STN1: variants seen among roughly 807,000 people sequenced by gnomAD.
STN1 encodes the protein STN1 subunit of CST complex.
STN1 carries 29 observed loss-of-function variants against 45.5 expected under a neutral mutation model. The observed-to-expected ratio is 0.64, with a 90% confidence interval of 0.47 to 0.87. The LOEUF (loss-of-function observed/expected upper bound fraction) is 0.87, where lower values mean the gene tolerates loss of function less well. STN1 is among the 40% of genes least tolerant of loss of function. STN1 has a pLI of 0.00. For synonymous variants in STN1, 148 were observed against 159.0 expected, an observed-to-expected ratio of 0.93 and a Z score of 0.52; for missense variants, 376 against 441.4, an observed-to-expected ratio of 0.85 and a Z score of 1.33.
At chr10:103,902,458 G>C (rs978944915) in intron 4 of STN1, among the ~76,000 whole-genome samples, 1 of 152,202 alleles carries the variant, frequency 6.6e-6, no homozygotes, top group Admixed American at 6.5e-5. Context: ...CTTAAAGGGT[G>C]AGCCAAGTTG....
chr10:103,898,215 G>T (rs1843184219), intron 6 of STN1: 1 of 153,152 alleles, frequency 6.5e-6, no homozygotes, highest in Admixed American at 6.5e-5. Flanking sequence ...AAACATTAAA[G>T]GATACACAGT....
At chr10:103,904,274 C>A (rs761898654) in intron 4 of STN1, among the ~76,000 whole-genome samples, 5 of 151,972 alleles carry the variant, frequency 3.3e-5, no homozygotes, top group Non-Finnish European at 5.9e-5. Flanking sequence ...AAAACCATCA[C>A]CAATATTGCA....
At chr10:103,917,798 C>T in intron 1 of STN1, 142 bp from the exon 2 acceptor site, 1 of 536,356 alleles carries the variant, frequency 1.9e-6, no homozygotes, top group Non-Finnish European at 3.3e-6. Context: ...CTCCATGCCA[C>T]GGGGCGTGTT....
chr10:103,891,079 T>C (rs11191848), intron 8 of STN1, among the ~76,000 whole-genome samples: 67,617 of 152,078 alleles, frequency 0.44, 15,738 homozygotes, highest in Non-Finnish European at 0.5. Flanking sequence ...CACACTGTGT[T>C]GACCAAAAGC....
At chr10:103,911,669 C>A (rs533639991) in intron 2 of STN1, among the ~76,000 whole-genome samples, 42 of 152,282 alleles carry the variant, frequency 2.8e-4, no homozygotes, top group African/African-American at 4.8e-5. Flanking sequence ...CACACCCAGT[C>A]AAGTCCTTTT....
chr10:103,892,064 C>T, intron 8 of STN1, 66 bp downstream of exon 8: 1 of 1,270,112 alleles, frequency 7.9e-7, no homozygotes, highest in Non-Finnish European at 1.1e-6. Context: ...AGTGGTTATT[C>T]ATAAGTAATA....
chr10:103,915,282 C>T (rs1366238171), intron 2 of STN1, among the ~76,000 whole-genome samples: 1 of 152,158 alleles, frequency 6.6e-6, no homozygotes, highest in Non-Finnish European at 1.5e-5. Context: ...ACTCAATCTC[C>T]AGCCCCACTC....
At position 103,912,095 on chromosome 10, in the gene STN1, G is replaced by C. The variant is rs776962082; in HGVS notation, c.134-1473C>G. On this transcript the variant is annotated intron_variant, in intron 2 of 9. Coordinates refer to ENST00000224950, the MANE Select transcript of STN1 (RefSeq NM_024928.5). ...CATGAGCTGAAGATGGCAGGAACAA[G>C]GAGGGAAGGAGCCTGGGTCACTGTG... 3.9e-5 allele frequency among the ~76,000 whole-genome samples: 6 copies of C among 152,104 alleles called. No individual in the cohort carries two copies. The South Asian group carries it at 1.0e-3, about 26-fold the overall frequency.
intron 3 of STN1, among the ~76,000 whole-genome samples, chr10:103,906,003 T>TA (rs1004998636): frequency 1.1e-4 from 16 of 151,374 alleles, no homozygotes; most frequent in Admixed American, 6.6e-4. Context: ...TCTCTAAATT[T>TA]AAAAAAAAAT....
At chr10:103,888,410 C>T (rs1454485510) in intron 9 of STN1, among the ~76,000 whole-genome samples, 1 of 124,596 alleles carries the variant, frequency 8.0e-6, no homozygotes. Flanking sequence ...TAAAGATAGA[C>T]TAATGCTTCC....
chr10:103,914,374 A>ATATTTTTTTT (rs1554837551), intron 2 of STN1, among the ~76,000 whole-genome samples: 2 of 97,362 alleles, frequency 2.1e-5, no homozygotes, highest in African/African-American at 9.8e-5. Flanking sequence ...ATATATATAT[A>ATATTTTTTTT]TTTTTTTTTT....
At chr10:103,907,886 T>C (rs1843252640) in intron 3 of STN1, among the ~76,000 whole-genome samples, 1 of 151,666 alleles carries the variant, frequency 6.6e-6, no homozygotes. Context: ...CTCAGCACTT[T>C]GGGAGGCCGA....
intron 2 of STN1, among the ~76,000 whole-genome samples, chr10:103,911,251 G>A (rs1843289193): frequency 6.6e-6 from 1 of 152,146 alleles, no homozygotes; most frequent in South Asian, 2.1e-4. Context: ...CCTACCCACT[G>A]ATACCCAGAG....
At chr10:103,899,808 A>G (rs1023327029) in intron 5 of STN1, among the ~76,000 whole-genome samples, 32 of 152,248 alleles carry the variant, frequency 2.1e-4, no homozygotes, top group Admixed American at 6.5e-5. Flanking sequence ...CTACTATGTC[A>G]TCCAAATAAA....
chr10:103,912,159 T>G (rs1331228623), intron 2 of STN1, among the ~76,000 whole-genome samples: 1 of 151,968 alleles, frequency 6.6e-6, no homozygotes, highest in Non-Finnish European at 1.5e-5. Context: ...CCAGGAAAAC[T>G]TGGATTGAAT....
chr10:103,905,715 C>T (rs950547164), intron 3 of STN1, among the ~76,000 whole-genome samples: 1 of 152,134 alleles, frequency 6.6e-6, no homozygotes, highest in South Asian at 2.1e-4. Context: ...TCCTCACCAC[C>T]GCAGGGGCTG....
Position 103,897,602 on chromosome 10 carries a change from C to A in STN1, c.699G>T (p.Glu233Asp), listed in dbSNP as rs745655678. Residue 233 changes from glutamate to aspartate, a missense_variant, in exon 7 of 10, where the codon GAG becomes GAT. By Grantham distance (45) the Glu-to-Asp change is conservative. Transcript: ENST00000224950. ...SFYQQELEMV[E>D]SLLSLANQPV... ...GCTGATTGGCAAGGGACAGCAAAGA[C>A]TCCACCATTTCCAGCTCCTGCTGGT... 7 of 1,614,190 alleles carry A rather than the reference C, an allele frequency of 4.3e-6. No individual in the cohort carries two copies. The South Asian group carries it at 7.7e-5, about 18-fold the overall frequency.
intron 2 of STN1, among the ~76,000 whole-genome samples, chr10:103,915,081 A>G (rs1263536966): frequency 2.0e-5 from 3 of 152,190 alleles, no homozygotes; most frequent in East Asian, 3.9e-4. Context: ...GGGCCAGCCA[A>G]ATGAAGAGAT....
chr10:103,908,852 T>C (rs1843261153), intron 3 of STN1, among the ~76,000 whole-genome samples: 1 of 151,934 alleles, frequency 6.6e-6, no homozygotes, highest in African/African-American at 2.4e-5. Flanking sequence ...ATTTATTTGA[T>C]CTGAAAAACA....
Sources: allele counts gnomAD v4.1 joint callset (sites outside exome capture counted in the v4.1 genomes callset), GRCh38; gene constraint gnomAD v4.1.1; transcripts MANE v1.5; gene names NCBI Gene and HGNC (gene_info 2026-07-23, HGNC 2026-07-21).